The following SOX6 variants were observed in gnomAD, a reference collection of about 807,000 sequenced individuals.
The protein encoded by SOX6 is SRY-box transcription factor 6.
Under a neutral mutation model 97.8 loss-of-function variants are expected in SOX6, and 11 were observed. The observed-to-expected ratio is 0.11, with a 90% confidence interval of 0.07 to 0.19. SOX6 has a LOEUF of 0.19. Among genes scored for constraint, SOX6 ranks in the 10% least tolerant of loss-of-function variants. SOX6 has a pLI of 1.00. For synonymous variants in SOX6, 360 were observed against 371.4 expected (o/e 0.97, Z 0.35); for missense variants, 810 against 1,039.5 (o/e 0.78, Z 3.04).
intron 13 of SOX6, among the ~76,000 whole-genome samples, chr11:15,990,431 C>G (rs1854013883): frequency 6.6e-6 from 1 of 151,526 alleles, no homozygotes; most frequent in Non-Finnish European, 1.5e-5. Flanking sequence ...AGAGCTGACT[C>G]TAGTAACATA....
At chr11:16,590,244 C>T (rs1019886516) in intron 4 of SOX6, among the ~76,000 whole-genome samples, 3 of 152,146 alleles carry the variant, frequency 2.0e-5, no homozygotes, top group Non-Finnish European at 4.4e-5. Context: ...GTACATATTT[C>T]TCAACATGCC....
chr11:16,090,505 T>C (rs369468788), intron 9 of SOX6, among the ~76,000 whole-genome samples: 2 of 152,098 alleles, frequency 1.3e-5, no homozygotes, highest in South Asian at 2.1e-4. Flanking sequence ...TTCCCTAATC[T>C]ACCTATATTT....
chr11:16,557,265 A>G (rs1847760031), intron 4 of SOX6, among the ~76,000 whole-genome samples: 1 of 151,840 alleles, frequency 6.6e-6, no homozygotes, highest in African/African-American at 2.4e-5. Context: ...ACTTTTCCAT[A>G]TGGCATCTGT....
At chr11:16,191,577 C>T (rs2134113700) in intron 4 of SOX6, among the ~76,000 whole-genome samples, 1 of 152,296 alleles carries the variant, frequency 6.6e-6, no homozygotes, top group South Asian at 2.1e-4. Context: ...TCATCAGGAG[C>T]TACCTAACAT....
chr11:16,368,242 A>C (rs1300534658), intron 1 of SOX6, among the ~76,000 whole-genome samples: 1 of 152,176 alleles, frequency 6.6e-6, no homozygotes, highest in Non-Finnish European at 1.5e-5. Context: ...TTTCTCTCCA[A>C]TATCTAGATT....
chr11:16,617,746 A>G (rs1469285545), intron 3 of SOX6, among the ~76,000 whole-genome samples: 1 of 151,904 alleles, frequency 6.6e-6, no homozygotes, highest in Admixed American at 6.6e-5. Context: ...TTCCAATGGC[A>G]TGAAAAAGAT....
At chr11:16,468,899 A>T (rs181762364) in intron 1 of SOX6, among the ~76,000 whole-genome samples, 184 of 152,268 alleles carry the variant, frequency 1.2e-3, no homozygotes, top group African/African-American at 4.1e-3. Context: ...CACATTTAAG[A>T]TTATGACACA....
intron 3 of SOX6, among the ~76,000 whole-genome samples, chr11:16,289,843 A>G (rs1854858345): frequency 6.6e-6 from 1 of 152,048 alleles, no homozygotes; most frequent in Non-Finnish European, 1.5e-5. Flanking sequence ...TGGCTACGTC[A>G]CAAAGAATAC....
chr11:16,068,457 T>C lies in SOX6; in HGVS notation c.1102-12556A>G, dbSNP rs555754310. Among the ~76,000 whole-genome samples the C allele has an allele frequency of 2.6e-5, 4 of 152,264 alleles. No homozygotes were observed. The South Asian group carries it at 8.3e-4, about 32-fold the overall frequency. On this transcript the variant is annotated intron_variant, in intron 9 of 15. Transcript: ENST00000683767. ...GAAAAAGATCACAAATACTTTTACT[T>C]TTCATAAATCTCCAATGTCAACAAA...
chr11:16,332,238 G>T (rs1167799571), intron 2 of SOX6, among the ~76,000 whole-genome samples: 1 of 152,024 alleles, frequency 6.6e-6, no homozygotes, highest in East Asian at 1.9e-4. Context: ...TTCGTTCATG[G>T]ATTACATTAG....
chr11:16,456,851 C>A (rs928580362), intron 1 of SOX6, among the ~76,000 whole-genome samples: 2 of 152,066 alleles, frequency 1.3e-5, no homozygotes, highest in Non-Finnish European at 2.9e-5. Context: ...CTAGAACCAC[C>A]TTCAAAGTTC....
At chr11:16,415,323 T>C (rs1858904398) in intron 1 of SOX6, among the ~76,000 whole-genome samples, 1 of 144,720 alleles carries the variant, frequency 6.9e-6, no homozygotes, top group South Asian at 2.2e-4. Context: ...CTTATATGGA[T>C]GCTTAAAAAA....
chr11:16,333,697 T>A (rs1856378581), intron 2 of SOX6, among the ~76,000 whole-genome samples: 2 of 152,180 alleles, frequency 1.3e-5, no homozygotes, highest in Admixed American at 1.3e-4. Flanking sequence ...TAGACTAGAT[T>A]CACGCTAGAC....
chr11:16,499,063 G>C (rs1332113855), intron 4 of SOX6, among the ~76,000 whole-genome samples: 1 of 152,170 alleles, frequency 6.6e-6, no homozygotes, highest in Non-Finnish European at 1.5e-5. Flanking sequence ...TGGAAGTAAA[G>C]CACTCCGCAG....
intron 3 of SOX6, among the ~76,000 whole-genome samples, chr11:16,704,419 TA>T (rs993992153): frequency 3.1e-4 from 47 of 149,754 alleles, no homozygotes; most frequent in African/African-American, 1.0e-3. Context: ...AGGCTCTTAT[TA>T]AAAAAAAAAG....
At chr11:16,142,030 G>A (rs531873406) in intron 6 of SOX6, among the ~76,000 whole-genome samples, 1 of 152,290 alleles carries the variant, frequency 6.6e-6, no homozygotes, top group African/African-American at 2.4e-5. Context: ...TGGAGTTTGA[G>A]ATCTGACAAT....
chr11:16,506,723 C>T (rs1442660173), intron 4 of SOX6, among the ~76,000 whole-genome samples: 2 of 152,172 alleles, frequency 1.3e-5, no homozygotes, highest in African/African-American at 4.8e-5. Context: ...TGGATTTCCC[C>T]CTTGATGTTC....
chr11:16,220,314 C>T (rs1005317741), intron 4 of SOX6, among the ~76,000 whole-genome samples: 1 of 151,872 alleles, frequency 6.6e-6, no homozygotes, highest in Non-Finnish European at 1.5e-5. Context: ...AATAATTTGG[C>T]CTGTACTTAA....
At chr11:16,567,935 C>G (rs1354614132) in intron 4 of SOX6, among the ~76,000 whole-genome samples, 1 of 151,168 alleles carries the variant, frequency 6.6e-6, no homozygotes, top group Admixed American at 6.6e-5. Context: ...AAAATGATTG[C>G]TTAATGATAC....
Sources: gnomAD v4.1 joint callset for allele counts (sites outside exome capture counted in the v4.1 genomes callset) on GRCh38, gnomAD v4.1.1 for gene constraint, MANE v1.5 for transcripts, NCBI Gene and HGNC (gene_info 2026-07-23, HGNC 2026-07-21) for gene names.